TBC1D17: variants seen among roughly 807,000 people sequenced by gnomAD.
TBC1D17 encodes TBC1 domain family, member 17.
Under a neutral mutation model 78.8 loss-of-function variants are expected in TBC1D17, and 69 were observed. That is an observed-to-expected ratio of 0.88 (90% confidence interval 0.72 to 1.07). TBC1D17 has a LOEUF of 1.07. Among genes scored for constraint, TBC1D17 ranks in the 50% least tolerant of loss-of-function variants. The pLI is 0.00. For missense variants in TBC1D17, 957 were observed against 861.0 expected (o/e 1.11, Z -1.39); for synonymous variants, 456 against 358.3 (o/e 1.27, Z -3.08).
In TBC1D17 at chr19:49,878,168, A is replaced by C; in HGVS notation, c.47A>C (p.Tyr16Ser). The change falls in exon 2 of 17, where the codon TAC (tyrosine) becomes TCC (serine). Residue 16 changes from tyrosine (Y) to serine (S), a missense_variant. Tyr to Ser is a moderately radical substitution (Grantham distance 144, BLOSUM62 -2). Coordinates refer to ENST00000221543, the MANE Select transcript of TBC1D17 (RefSeq NM_024682.3). ...GTGGTGTTTGAGAAGGGCGGAGTGT[A>C]CCTGCACACCAGCGCTAAGAAGTAT... is the stretch of plus-strand genomic sequence containing the variant. ...YRVVFEKGGVYLHTSAKKYQD... is the reference protein window; with the variant it reads ...YRVVFEKGGVSLHTSAKKYQD... 3 of 1,577,674 alleles carry C rather than the reference A, an allele frequency of 1.9e-6. No homozygotes were observed. The highest frequency in any genetic ancestry group is 1.7e-6 in the Non-Finnish European group (2 of 1,162,202).
chr19:49,881,551 TGAAA>T, intron 5 of TBC1D17, 76 bp downstream of exon 5: 1 of 1,398,842 alleles, frequency 7.1e-7, no homozygotes, highest in Non-Finnish European at 9.8e-7. Context: ...CTCGGGGCTG[TGAAA>T]GAAACACAAC....
At chr19:49,885,156 T>C in intron 13 of TBC1D17, 1 of 247,386 alleles carries the variant, frequency 4.0e-6, no homozygotes, top group Non-Finnish European at 8.1e-6. Context: ...CTTTAACATT[T>C]TTATTCTTCG....
intron 16 of TBC1D17, 22 bp from the exon 17 acceptor site, chr19:49,888,402 T>C (rs1254741795): frequency 7.3e-7 from 1 of 1,370,214 alleles, no homozygotes; most frequent in Non-Finnish European, 9.6e-7. Context: ...CGCTTTTCGC[T>C]TCTCTCATCC....
intron 15 of TBC1D17, 147 bp from the exon 16 acceptor site, chr19:49,888,084 G>A: frequency 7.5e-7 from 1 of 1,326,024 alleles, no homozygotes; most frequent in Non-Finnish European, 1.0e-6. Flanking sequence ...CCGGAGGCCT[G>A]AGAAGCATGT....
chr19:49,888,001 G>A (rs2075075919), intron 15 of TBC1D17, 167 bp downstream of exon 15: 2 of 910,964 alleles, frequency 2.2e-6, no homozygotes, highest in South Asian at 1.7e-5. Flanking sequence ...CCCATGCCAT[G>A]CCTGCTCCCA....
chr19:49,884,446 C>T lies in TBC1D17; in HGVS notation c.1244-13C>T, dbSNP rs201053951. 6.2e-7 allele frequency: 1 copy of T among 1,614,006 alleles called. No individual in the cohort carries two copies. The stretch of plus-strand genomic sequence containing the variant: ...TGCGGGCTTGGCTGCAGCCTGACCC[C>T]ATGTCCCCCCAGGCTACGTCCAGGG... On this transcript the variant is annotated splice_polypyrimidine_tract_variant and intron_variant, in intron 11 of 16. Coordinates refer to ENST00000221543, the MANE Select transcript of TBC1D17 (RefSeq NM_024682.3).
At position 49,878,150 on chromosome 19, in the gene TBC1D17, T is replaced by C; in HGVS notation, c.29T>C (p.Phe10Ser). 1 of 1,577,520 alleles carries C rather than the reference T, an allele frequency of 6.3e-7. No homozygotes were observed. The highest frequency in any genetic ancestry group is 8.6e-7 in the Non-Finnish European group (1 of 1,162,170). Residue 10 changes from phenylalanine to serine, a missense_variant, in exon 2 of 17, where the codon TTT becomes TCT. Transcript: ENST00000221543. Reference protein sequence around the residue: MEGAGYRVVFEKGGVYLHTS... With the variant: MEGAGYRVVSEKGGVYLHTS... ...TGGTTCCCCCCAACTCAGGTGGTGTTTGAGAAGGGCGGAGTGTACCTGCAC... is the reference window on the plus strand; with the variant it reads ...TGGTTCCCCCCAACTCAGGTGGTGTCTGAGAAGGGCGGAGTGTACCTGCAC...
At chr19:49,877,780 A>G (rs2122410922) in intron 1 of TBC1D17, 36 bp downstream of exon 1, 5 of 1,572,698 alleles carry the variant, frequency 3.2e-6, no homozygotes, top group Non-Finnish European at 3.5e-6. Context: ...GCTTCAGTGT[A>G]TGCGAAACGC....
intron 13 of TBC1D17, chr19:49,886,864 C>T (rs547495818): frequency 1.0e-4 from 16 of 152,758 alleles, no homozygotes; most frequent in Non-Finnish European, 8.7e-5. Context: ...GGTGTGATCT[C>T]GGCTCACTAC....
chr19:49,887,906 G>T, intron 15 of TBC1D17, 72 bp downstream of exon 15: 1 of 1,284,314 alleles, frequency 7.8e-7, no homozygotes, highest in Non-Finnish European at 1.1e-6. Context: ...GTACCTCCGG[G>T]GAGCAGGTGT....
chr19:49,882,048 C>G lies in TBC1D17; in HGVS notation c.535C>G (p.Gln179Glu). 1 of 1,613,730 alleles carries G rather than the reference C, an allele frequency of 6.2e-7. No individual in the cohort carries two copies. Among genetic ancestry groups the G allele is most frequent in the Non-Finnish European group, 8.5e-7 (1 of 1,179,788 alleles). Residue 179 changes from glutamine (Q) to glutamate (E), a missense_variant, in exon 6 of 17, where the codon CAG (glutamine) becomes GAG (glutamate). Physicochemically the swap from Gln to Glu is conservative, Grantham distance 29 (BLOSUM62 2). Transcript: ENST00000221543. Reference sequence around the variant, plus strand: ...TCACCTCCCGCCTCCCAGCTCCCCGCAGGACTCCCGCCTCTACCTTGTCTT... The same window carrying G: ...TCACCTCCCGCCTCCCAGCTCCCCGGAGGACTCCCGCCTCTACCTTGTCTT... ...SRYLLLASSP[Q>E]DSRLYLVFPH...
At chr19:49,881,200 G>A in intron 4 of TBC1D17, 68 bp from the exon 5 acceptor site, 5 of 1,431,722 alleles carry the variant, frequency 3.5e-6, no homozygotes, top group Non-Finnish European at 4.8e-6. Flanking sequence ...GGAACATCCT[G>A]GGTTGTGGTT....
At chr19:49,887,907 G>A in intron 15 of TBC1D17, 73 bp downstream of exon 15, 1 of 1,282,392 alleles carries the variant, frequency 7.8e-7, no homozygotes, top group Middle Eastern at 2.6e-4. Flanking sequence ...TACCTCCGGG[G>A]AGCAGGTGTT....
intron 13 of TBC1D17, chr19:49,887,182 C>T (rs1336756379): frequency 4.6e-6 from 2 of 431,604 alleles, no homozygotes; most frequent in Non-Finnish European, 8.7e-6. Flanking sequence ...TGTCAGTTCC[C>T]TTAGCGCTCA....
At chr19:49,881,564 A>G (rs1421487329) in intron 5 of TBC1D17, 89 bp downstream of exon 5, 1 of 1,260,444 alleles carries the variant, frequency 7.9e-7, no homozygotes, top group Non-Finnish European at 1.1e-6. Context: ...AAGAAACACA[A>G]CTCACACTGA....
intron 3 of TBC1D17, chr19:49,878,849 C>A: frequency 2.3e-6 from 1 of 440,758 alleles, no homozygotes; most frequent in Non-Finnish European, 4.1e-6. Context: ...TGCCAGGGTG[C>A]AAGATGTGGA....
intron 1 of TBC1D17, 89 bp from the exon 2 acceptor site, chr19:49,878,054 G>A: frequency 2.7e-6 from 3 of 1,100,742 alleles, no homozygotes; most frequent in South Asian, 1.5e-5. Flanking sequence ...GCCCCCTGAG[G>A]GTGGCTCCTC....
rs779810423 is a variant in TBC1D17, at chr19:49,884,696, G to A, written c.1382G>A (p.Arg461Gln). 14 of 1,613,988 alleles carry A rather than the reference G, an allele frequency of 8.7e-6. No individual in the cohort carries two copies. The highest frequency in any genetic ancestry group is 2.2e-5 in the East Asian group (1 of 44,898). ...GAAGAGAGCCAGGAGACCATGAAGC[G>A]GCAACTCGGGCGACTGCTGCTGCTC... Reference protein sequence around the residue: ...NFEESQETMKRQLGRLLLLLR... With the variant: ...NFEESQETMKQQLGRLLLLLR... Residue 461 changes from arginine (R) to glutamine (Q), a missense_variant, in exon 13 of 17, where the codon CGG (arginine) becomes CAG (glutamine). Transcript: ENST00000221543.
At position 49,880,759 on chromosome 19, in the gene TBC1D17, A is replaced by G. The variant is rs1363112609; in HGVS notation, c.319+357A>G. Among the ~76,000 whole-genome samples the G allele has an allele frequency of 2.6e-5, 4 of 152,324 alleles. No homozygotes were observed. The East Asian group carries it at 7.7e-4, about 29-fold the overall frequency. On this transcript the variant is annotated intron_variant, in intron 4 of 16. Transcript: ENST00000221543. Reference sequence around the variant, plus strand: ...CACACAGGGTGCAGGGGACATCCAGAGAAGGCACGTGACCCCTCTGGGGAA... The same window carrying G: ...CACACAGGGTGCAGGGGACATCCAGGGAAGGCACGTGACCCCTCTGGGGAA...
Sources: allele counts gnomAD v4.1 joint callset (sites outside exome capture counted in the v4.1 genomes callset), GRCh38; gene constraint gnomAD v4.1.1; transcripts MANE v1.5; gene names NCBI Gene and HGNC (gene_info 2026-07-23, HGNC 2026-07-21).